SBK3: variants seen among roughly 807,000 people sequenced by gnomAD.
The protein encoded by SBK3 is SH3 domain binding kinase family member 3.
A neutral mutation model predicts 12.7 loss-of-function variants in SBK3; 16 were observed. That is an observed-to-expected ratio of 1.26 (90% CI 0.86 to 1.92). SBK3 has a LOEUF of 1.92. SBK3 is among the 40% of genes most tolerant of loss of function. The pLI, the probability that SBK3 is intolerant of heterozygous loss-of-function variation, is 0.00. For synonymous variants in SBK3, 217 were observed against 213.6 expected (o/e 1.02, Z -0.14); for missense variants, 462 against 481.8 (o/e 0.96, Z 0.38).
At chr19:55,543,343 CCCACCCATCCATCCACCCACCCAT>C (rs1988607037) in intron 3 of SBK3, among the ~76,000 whole-genome samples, 1 of 113,076 alleles carries the variant, frequency 8.8e-6, no homozygotes, top group Non-Finnish European at 1.9e-5. Flanking sequence ...CACCCACCCA[CCCACCCATCCATCCACCCACCCAT>C]CCATCTACCA....
intron 3 of SBK3, among the ~76,000 whole-genome samples, chr19:55,542,539 C>A: frequency 7.6e-6 from 1 of 130,720 alleles, no homozygotes; most frequent in African/African-American, 2.5e-5. Context: ...ATCCGCCCAC[C>A]AATCCTTTCA....
At chr19:55,543,206 C>T (rs1273320335) in intron 3 of SBK3, among the ~76,000 whole-genome samples, 17 of 126,484 alleles carry the variant, frequency 1.3e-4, no homozygotes, top group Non-Finnish European at 2.9e-4. Flanking sequence ...TCCATCCATC[C>T]ACCATCCATC....
rs1346988331 is a variant in SBK3, at chr19:55,540,688, G to C, written c.*158C>G. 1.4e-6 allele frequency: 1 copy of C among 699,580 alleles called. No homozygotes were observed. The highest frequency in any genetic ancestry group is 2.1e-5 in the Admixed American group (1 of 46,772). 43.3% of individuals were successfully genotyped at this position (699,580 alleles called of 1,614,324 possible). A position where few individuals can be genotyped will look rare whatever the true frequency, so the allele number is the denominator to read the frequency against. ...AGCTGGGCTCTTGGGTCCTCAGTTG[G>C]AAGAGGAATGCGCGTCCAAGCCCAG... On this transcript the variant is annotated 3_prime_UTR_variant, in exon 4 of 4. Transcript: ENST00000612221.
In SBK3 at chr19:55,541,531, G is replaced by A. The variant is rs1988561430; in HGVS notation, c.400-5C>T. The A allele has an allele frequency of 6.7e-7, 1 of 1,501,512 alleles. No individual in the cohort carries two copies. Among genetic ancestry groups the A allele is most frequent in the South Asian group, 1.3e-5 (1 of 79,804 alleles). The allele number at this position is 1,501,512 out of a possible 1,614,324, so 93.0% of individuals were successfully genotyped here. A position where few individuals can be genotyped will look rare whatever the true frequency, so the allele number is the denominator to read the frequency against. On this transcript the variant is annotated splice_polypyrimidine_tract_variant and splice_region_variant and intron_variant, in intron 3 of 3. Transcript: ENST00000612221. This position sits in a 1 kb window ranked among gnomAD's most constrained non-coding sequence, Gnocchi z 5.3. ...CACCAGCAGTTCTGGGAGGCCCTGA[G>A]GTCAAGAAGACAGGAGGAGGGTCAG...
Position 55,540,881 on chromosome 19 carries a change from C to A in SBK3, c.1045G>T (p.Gly349Cys). The A allele has an allele frequency of 1.3e-6, 2 of 1,536,170 alleles. No homozygotes were observed. The highest frequency in any genetic ancestry group is 1.7e-6 in the Non-Finnish European group (2 of 1,146,902). The change falls in exon 4 of 4, where the codon GGT (glycine) becomes TGT (cysteine). Residue 349 changes from glycine to cysteine, a missense_variant. Gly to Cys is a radical substitution (Grantham distance 159). Transcript: ENST00000612221. ...WTDEGDDSKS[G>C]GRTGTDGGAP is the part of the protein sequence containing the mutation. ...CCCCCATCTGTCCCCGTCCTCCCAC[C>A]ACTTTTGCTGTCATCACCCTCATCT... is the stretch of plus-strand genomic sequence containing the variant.
intron 3 of SBK3, among the ~76,000 whole-genome samples, chr19:55,542,440 C>A (rs553456605): frequency 7.4e-5 from 11 of 148,506 alleles, no homozygotes; most frequent in African/African-American, 2.5e-4. Flanking sequence ...ACTCATCCAT[C>A]CACCACTCAC....
In SBK3 at chr19:55,541,366, G is replaced by A. The variant is rs777503754; in HGVS notation, c.560C>T (p.Thr187Ile). ...SRVALGDLGL[T>I]RPEGSPTPAP... ...GGGGGTCGGGCTGCCCTCTGGCCGG[G>A]TCAGACCCAGGTCTCCCAGGGCCAC... Residue 187 changes from threonine (T) to isoleucine (I), a missense_variant, in exon 4 of 4, where the codon ACC becomes ATC. Physicochemically the swap from Thr to Ile is moderately conservative, Grantham distance 89. Coordinates refer to ENST00000612221, the MANE Select transcript of SBK3 (RefSeq NM_001199824.2). This position sits in a 1 kb window ranked among gnomAD's most constrained non-coding sequence, Gnocchi z 5.3. The A allele has an allele frequency of 2.0e-6, 3 of 1,535,624 alleles. 1 individual carries two copies. The South Asian group carries it at 3.6e-5, about 18-fold the overall frequency.
Position 55,540,942 on chromosome 19 carries a change from G to A in SBK3, c.984C>T (p.Asp328=), listed in dbSNP as rs1396638796. ...CCAGGCTTGAGCCTCCCTCCTCCCT[G>A]TCCTCATAGGACACGGCGCTCCCCA... ...GVLGSAVSYE[D]REEGGSSLEE... The change falls in exon 4 of 4, where the codon GAC becomes GAT. Residue 328 remains aspartate, a synonymous_variant. Transcript: ENST00000612221. The A allele has an allele frequency of 6.5e-7, 1 of 1,536,004 alleles. No individual in the cohort carries two copies.
intron 3 of SBK3, 42 bp downstream of exon 3, chr19:55,544,058 C>T (rs1484202704): frequency 7.0e-7 from 1 of 1,418,950 alleles, no homozygotes; most frequent in Non-Finnish European, 9.2e-7. Context: ...CAGAGTTGGA[C>T]CTGGGATAAG....
chr19:55,543,958 A>C, intron 3 of SBK3, 142 bp downstream of exon 3: 1 of 606,350 alleles, frequency 1.6e-6, no homozygotes, highest in Non-Finnish European at 2.7e-6. Context: ...AGAATTAGAA[A>C]GGGGGAGGTC....
rs1988562750 is a variant in SBK3 at position 55,541,615 on chromosome 19, A to G, written c.400-89T>C. 9.1e-7 allele frequency: 1 copy of G among 1,097,090 alleles called. No homozygotes were observed. Among genetic ancestry groups the G allele is most frequent in the Non-Finnish European group, 1.3e-6 (1 of 789,040 alleles). 68.0% of individuals were successfully genotyped at this position (1,097,090 alleles called of 1,614,324 possible). A position where few individuals can be genotyped will look rare whatever the true frequency, so the allele number is the denominator to read the frequency against. On this transcript the variant is annotated intron_variant, in intron 3 of 3. Transcript: ENST00000612221. This position sits in a 1 kb window ranked among gnomAD's most constrained non-coding sequence, Gnocchi z 5.3. ...GGCTGGTCTCAAACTCCTGGCCTCA[A>G]GCGATCCTCCTGCCTTGGCCTCCCA...
chr19:55,544,089 C>T lies in SBK3; in HGVS notation c.399+11G>A, dbSNP rs556026989. On this transcript the variant is annotated intron_variant, in intron 3 of 3. Coordinates refer to ENST00000612221, the MANE Select transcript of SBK3 (RefSeq NM_001199824.2). Reference sequence around the variant, plus strand: ...ATAAGCACTCCCAACCTTTGTCCCTCGTGGCCTCACCCTTTCCTGCAGCAT... The same window carrying T: ...ATAAGCACTCCCAACCTTTGTCCCTTGTGGCCTCACCCTTTCCTGCAGCAT... 39 of 1,463,046 alleles carry T rather than the reference C, an allele frequency of 2.7e-5. No homozygotes were observed. In the African/African-American group the frequency reaches 3.2e-4, roughly 12 times the overall value. 90.6% of individuals were successfully genotyped at this position (1,463,046 alleles called of 1,614,324 possible).
rs1430993341 is a variant in SBK3 at position 55,544,892 on chromosome 19, G to T, written c.103C>A (p.Pro35Thr). The T allele has an allele frequency of 4.6e-6, 7 of 1,534,542 alleles. No homozygotes were observed. Among genetic ancestry groups the T allele is most frequent in the African/African-American group, 1.4e-5 (1 of 73,058 alleles). ...LVELTTSRVT[P>T]VRSLRDQYHL... is the part of the protein sequence containing the mutation. ...TACTGGTCCCGAAGGCTCCTCACCG[G>T]GGTCACCCTGCTGGTCGTCAGCTCC... The change falls in exon 2 of 4, where the codon CCG (proline) becomes ACG (threonine). Residue 35 changes from proline (P) to threonine (T), a missense_variant. Transcript: ENST00000612221.
At position 55,541,628 on chromosome 19, in the gene SBK3, C is replaced by A. The variant is rs1040510955; in HGVS notation, c.400-102G>T. 8.8e-6 allele frequency: 8 copies of A among 912,244 alleles called. No homozygotes were observed. In the African/African-American group the frequency reaches 1.2e-4, roughly 13 times the overall value. The allele number at this position is 912,244 out of a possible 1,614,324, so 56.5% of individuals were successfully genotyped here. A position where few individuals can be genotyped will look rare whatever the true frequency, so the allele number is the denominator to read the frequency against. ...CTCCTGGCCTCAAGCGATCCTCCTGCCTTGGCCTCCCAAAGTGCTGGGATT... is the reference window on the plus strand; with the variant it reads ...CTCCTGGCCTCAAGCGATCCTCCTGACTTGGCCTCCCAAAGTGCTGGGATT... On this transcript the variant is annotated intron_variant, in intron 3 of 3. Coordinates refer to ENST00000612221, the MANE Select transcript of SBK3 (RefSeq NM_001199824.2). This position sits in a 1 kb window ranked among gnomAD's most constrained non-coding sequence, Gnocchi z 5.3.
rs1433730846 is a variant in SBK3, at chr19:55,544,282, G to A, written c.217C>T (p.Leu73Phe). The change falls in exon 3 of 4, where the codon CTC becomes TTC. Residue 73 changes from leucine to phenylalanine, a missense_variant. By Grantham distance (22) the Leu-to-Phe change is conservative. Transcript: ENST00000612221. ...HQGGPAVALK[L>F]LRRDLVLRST... Reference sequence around the variant, plus strand: ...CTCAGGACCAAATCCCGACGCAGGAGCTTCAGAGCCACAGCTGGACCTGCC... The same window carrying A: ...CTCAGGACCAAATCCCGACGCAGGAACTTCAGAGCCACAGCTGGACCTGCC... 5 of 1,535,888 alleles carry A rather than the reference G, an allele frequency of 3.3e-6. No homozygotes were observed. The highest frequency in any genetic ancestry group is 4.4e-6 in the Non-Finnish European group (5 of 1,146,816).
Position 55,544,156 on chromosome 19 carries a change from C to T in SBK3, c.343G>A (p.Ala115Thr), listed in dbSNP as rs1431588387. 2 of 1,535,026 alleles carry T rather than the reference C, an allele frequency of 1.3e-6. No homozygotes were observed. The highest frequency in any genetic ancestry group is 2.0e-5 in the Admixed American group (1 of 50,780). ...AGPLQTPRYF[A>T]FAQEYAPCGD... ...CAGGGCGCGTACTCCTGGGCGAAGG[C>T]AAAATAGCGGGGGGTCTGTAGGGGT... The change falls in exon 3 of 4, where the codon GCC becomes ACC. Residue 115 changes from alanine to threonine, a missense_variant. By Grantham distance (58) the Ala-to-Thr change is moderately conservative (BLOSUM62 0). Transcript: ENST00000612221.
At chr19:55,542,834 A>ATCCATCCG (rs767697241) in intron 3 of SBK3, among the ~76,000 whole-genome samples, 1 of 144,950 alleles carries the variant, frequency 6.9e-6, no homozygotes, top group Non-Finnish European at 1.5e-5. Flanking sequence ...CCATCCATCC[A>ATCCATCCG]TCCGTCCATC....
At position 55,544,641 on chromosome 19, in the gene SBK3, G is replaced by C. The variant is rs1163361938; in HGVS notation, c.196+158C>G. 8.5e-5 allele frequency among the ~76,000 whole-genome samples: 13 copies of C among 152,140 alleles called. 1 individual carries two copies. Among genetic ancestry groups the C allele is most frequent in the Non-Finnish European group, 4.4e-5 (3 of 68,010 alleles). On this transcript the variant is annotated intron_variant, in intron 2 of 3. Coordinates refer to ENST00000612221, the MANE Select transcript of SBK3 (RefSeq NM_001199824.2). Reference sequence around the variant, plus strand: ...CCTCGCCCTCTCTGGGGTGGGGCCTGTGTTTCTCAGAAGATCCCAGAGCTC... The same window carrying C: ...CCTCGCCCTCTCTGGGGTGGGGCCTCTGTTTCTCAGAAGATCCCAGAGCTC...
In SBK3 at chr19:55,544,967, G is replaced by C. The variant is rs528975620; in HGVS notation, c.46-18C>G. The C allele has an allele frequency of 1.3e-4, 196 of 1,517,104 alleles. 1 individual carries two copies. The South Asian group carries it at 2.3e-3, about 18-fold the overall frequency. 94.0% of individuals were successfully genotyped at this position (1,517,104 alleles called of 1,614,324 possible). A position where few individuals can be genotyped will look rare whatever the true frequency, so the allele number is the denominator to read the frequency against. ...GTGTCCTCCTACGGGAGAGGGGCAG[G>C]GTGAGGAGGGGGCGCGTCTGGGGTC... On this transcript the variant is annotated intron_variant, in intron 1 of 3. Coordinates refer to ENST00000612221, the MANE Select transcript of SBK3 (RefSeq NM_001199824.2).
Sources: allele counts gnomAD v4.1 joint callset (sites outside exome capture counted in the v4.1 genomes callset), GRCh38; gene constraint gnomAD v4.1.1; non-coding constraint Gnocchi (gnomAD v3.1); transcripts MANE v1.5; gene names NCBI Gene and HGNC (gene_info 2026-07-23, HGNC 2026-07-21).